The following BTBD9 variants were observed in gnomAD, a reference collection of about 807,000 sequenced individuals.
BTBD9 encodes the protein BTB domain containing 9.
A neutral mutation model predicts 64.3 loss-of-function variants in BTBD9; 49 were observed. That is an observed-to-expected ratio of 0.76 (90% CI 0.61 to 0.97). The LOEUF is 0.97. Ranked by LOEUF, BTBD9 falls within the 50% of genes least tolerant of loss-of-function variation. The pLI is 0.00. For missense variants in BTBD9, 598 were observed against 762.1 expected (o/e 0.78, Z 2.53); for synonymous variants, 260 against 274.7 (o/e 0.95, Z 0.53).
At chr6:38,507,778 T>C (rs910455273) in intron 6 of BTBD9, among the ~76,000 whole-genome samples, 1 of 151,824 alleles carries the variant, frequency 6.6e-6, no homozygotes, top group Non-Finnish European at 1.5e-5. Flanking sequence ...CTAAATCATC[T>C]CATGTACTTG....
chr6:38,484,871 G>A (rs1188845926), intron 6 of BTBD9, among the ~76,000 whole-genome samples: 2 of 152,228 alleles, frequency 1.3e-5, no homozygotes, highest in Admixed American at 6.5e-5. Flanking sequence ...CAGGGTGGTG[G>A]TTGCTGAAGG....
At chr6:38,183,186 T>G (rs1260755929) in intron 10 of BTBD9, among the ~76,000 whole-genome samples, 1 of 152,178 alleles carries the variant, frequency 6.6e-6, no homozygotes, top group East Asian at 1.9e-4. Flanking sequence ...TTCACCGTGT[T>G]AGCCAGGATG....
chr6:38,624,276 G>A (rs1778097546), intron 1 of BTBD9, among the ~76,000 whole-genome samples: 1 of 152,144 alleles, frequency 6.6e-6, no homozygotes, highest in Admixed American at 6.5e-5. Flanking sequence ...ATAAAAGCTG[G>A]CCACCCCAGC....
chr6:38,615,188 T>C (rs1777743291), intron 1 of BTBD9, among the ~76,000 whole-genome samples: 1 of 152,278 alleles, frequency 6.6e-6, no homozygotes, highest in Non-Finnish European at 1.5e-5. Context: ...CATTTCCTCA[T>C]GCAGCCTTCC....
intron 5 of BTBD9, 73 bp from the exon 6 acceptor site, chr6:38,577,792 G>A (rs1171374913): frequency 7.6e-7 from 1 of 1,320,772 alleles, no homozygotes; most frequent in Non-Finnish European, 1.0e-6. Context: ...CTTTAATAAA[G>A]TGTTAAAAGG....
intron 8 of BTBD9, among the ~76,000 whole-genome samples, chr6:38,264,503 A>G (rs1764903253): frequency 6.6e-6 from 1 of 152,242 alleles, no homozygotes; most frequent in African/African-American, 2.4e-5. Context: ...TGAGAAGCAG[A>G]AAGACAAACA....
chr6:38,513,361 T>C (rs564283796), intron 6 of BTBD9, among the ~76,000 whole-genome samples: 8 of 151,870 alleles, frequency 5.3e-5, no homozygotes, highest in Non-Finnish European at 1.2e-4. Flanking sequence ...AGCAGAAGAA[T>C]TGCTTGAACC....
At chr6:38,499,234 T>C (rs1396223265) in intron 6 of BTBD9, among the ~76,000 whole-genome samples, 2 of 152,138 alleles carry the variant, frequency 1.3e-5, no homozygotes, top group African/African-American at 2.4e-5. Flanking sequence ...CATTGTACAC[T>C]GCAGTCTCAG....
chr6:38,236,785 A>C (rs964177795), intron 9 of BTBD9, among the ~76,000 whole-genome samples: 1 of 152,250 alleles, frequency 6.6e-6, no homozygotes, highest in African/African-American at 2.4e-5. Flanking sequence ...TTTCATGTGC[A>C]GAGTGGATTC....
chr6:38,410,111 T>C (rs1470496669), intron 6 of BTBD9, among the ~76,000 whole-genome samples: 2 of 152,238 alleles, frequency 1.3e-5, no homozygotes, highest in Non-Finnish European at 1.5e-5. Flanking sequence ...AGAGTTTTTA[T>C]TTGAATATGT....
chr6:38,375,986 T>C (rs1298369671), intron 6 of BTBD9, among the ~76,000 whole-genome samples: 1 of 151,762 alleles, frequency 6.6e-6, no homozygotes, highest in Non-Finnish European at 1.5e-5. Context: ...GGCATAACTA[T>C]GACAAGAAAA....
chr6:38,197,921 A>T (rs913662865), intron 9 of BTBD9, among the ~76,000 whole-genome samples: 8 of 152,224 alleles, frequency 5.3e-5, no homozygotes, highest in Admixed American at 5.2e-4. Context: ...ATAGATGCTA[A>T]ATTCTTGACA....
chr6:38,438,775 G>T (rs951859096), intron 6 of BTBD9, among the ~76,000 whole-genome samples: 7 of 152,134 alleles, frequency 4.6e-5, no homozygotes, highest in African/African-American at 1.4e-4. Flanking sequence ...AAATAAATTA[G>T]TAAAATATAT....
At position 38,247,741 on chromosome 6, in the gene BTBD9, C is replaced by T. The variant is rs569680876; in HGVS notation, c.1562+8668G>A. The stretch of plus-strand genomic sequence containing the variant: ...GGAAAATGTAGCTGGAGTGTCCTTT[C>T]CAGGGAAACACAGCTTTTGTGCTTG... On this transcript the variant is annotated intron_variant, in intron 9 of 10. Transcript: ENST00000481247. Among the ~76,000 whole-genome samples the T allele has an allele frequency of 3.9e-4, 59 of 152,158 alleles. 1 individual carries two copies. The highest frequency in any genetic ancestry group is 7.8e-4 in the Non-Finnish European group (53 of 68,038).
intron 6 of BTBD9, among the ~76,000 whole-genome samples, chr6:38,366,999 G>T (rs907910709): frequency 6.6e-6 from 1 of 152,224 alleles, no homozygotes; most frequent in Admixed American, 6.5e-5. Context: ...GGTGAATACA[G>T]ATTCAAAGGG....
intron 6 of BTBD9, among the ~76,000 whole-genome samples, chr6:38,425,160 T>C (rs1472750089): frequency 1.4e-5 from 2 of 147,712 alleles, no homozygotes; most frequent in South Asian, 4.4e-4. Context: ...TCATCTAGGC[T>C]GGAGTGCAGT....
intron 6 of BTBD9, among the ~76,000 whole-genome samples, chr6:38,371,670 A>T (rs1052573476): frequency 6.6e-6 from 1 of 152,202 alleles, no homozygotes; most frequent in Non-Finnish European, 1.5e-5. Flanking sequence ...GTAAATAATA[A>T]ATCTCTCAGC....
chr6:38,599,779 C>T (rs1252711044), intron 1 of BTBD9, among the ~76,000 whole-genome samples: 1 of 152,230 alleles, frequency 6.6e-6, no homozygotes, highest in Non-Finnish European at 1.5e-5. Context: ...GACCAAGTTC[C>T]GAATCTGCCT....
At chr6:38,251,961 T>C (rs1764419065) in intron 9 of BTBD9, among the ~76,000 whole-genome samples, 1 of 151,660 alleles carries the variant, frequency 6.6e-6, no homozygotes, top group Non-Finnish European at 1.5e-5. Flanking sequence ...GATTACACTG[T>C]ATGAAGAAAG....
Sources: gnomAD v4.1 joint callset for allele counts (sites outside exome capture counted in the v4.1 genomes callset) on GRCh38, gnomAD v4.1.1 for gene constraint, MANE v1.5 for transcripts, NCBI Gene and HGNC (gene_info 2026-07-23, HGNC 2026-07-21) for gene names.